RBFOX1: variants seen among roughly 807,000 people sequenced by gnomAD.
RBFOX1 encodes RNA binding protein fox-1 homolog 1.
Under a neutral mutation model 57.7 loss-of-function variants are expected in RBFOX1, and 8 were observed. That is an observed-to-expected ratio of 0.14 (90% CI 0.08 to 0.25). The LOEUF (loss-of-function observed/expected upper bound fraction) is 0.25, where lower values mean the gene tolerates loss of function less well. RBFOX1 is among the 10% of genes least tolerant of loss of function. The pLI, the probability that RBFOX1 is intolerant of heterozygous loss-of-function variation, is 1.00. For missense variants in RBFOX1, 611 were observed against 548.5 expected (o/e 1.11, Z -1.14); for synonymous variants, 326 against 222.4 (o/e 1.47, Z -4.15).
At chr16:7,593,798 G>A (rs1478384535) in intron 7 of RBFOX1, among the ~76,000 whole-genome samples, 1 of 152,054 alleles carries the variant, frequency 6.6e-6, no homozygotes, top group Non-Finnish European at 1.5e-5. Flanking sequence ...TTGGGTATCA[G>A]GGGTGGGGAT....
At chr16:7,433,376 C>G (rs2098697384) in intron 4 of RBFOX1, among the ~76,000 whole-genome samples, 1 of 152,148 alleles carries the variant, frequency 6.6e-6, no homozygotes. Context: ...TTTCTCCTCC[C>G]CACGTCATCA....
intron 3 of RBFOX1, among the ~76,000 whole-genome samples, chr16:6,800,291 C>A (rs1381914841): frequency 6.6e-6 from 1 of 152,172 alleles, no homozygotes; most frequent in Admixed American, 6.5e-5. Context: ...CTGGAAACAC[C>A]TTAGTCCTGG....
rs984679865 is a variant in RBFOX1, at chr16:7,017,100, A to C, written c.-15-34957A>C. Among the ~76,000 whole-genome samples, 4 of 152,238 alleles carry C rather than the reference A, an allele frequency of 2.6e-5. No homozygotes were observed. The South Asian group carries it at 6.2e-4, about 24-fold the overall frequency. Reference sequence around the variant, plus strand: ...GAGCAGAACTCATTTTTCAAAAGACAGATGGTGGCAACCCTGTTCTCTCTA... The same window carrying C: ...GAGCAGAACTCATTTTTCAAAAGACCGATGGTGGCAACCCTGTTCTCTCTA... On this transcript the variant is annotated intron_variant, in intron 3 of 15. Transcript: ENST00000550418.
At chr16:6,119,849 A>G (rs144347202) in intron 1 of RBFOX1, among the ~76,000 whole-genome samples, 331 of 152,232 alleles carry the variant, frequency 2.2e-3, no homozygotes, top group African/African-American at 7.9e-3. Context: ...GCACATTCGT[A>G]ATGTTATGCA....
At chr16:5,316,326 T>C (rs892515973) in intron 1 of RBFOX1, among the ~76,000 whole-genome samples, 2 of 152,220 alleles carry the variant, frequency 1.3e-5, no homozygotes. Context: ...GCACCTTCTA[T>C]AATGTGATGG....
chr16:7,316,167 C>T (rs917873878), intron 4 of RBFOX1, among the ~76,000 whole-genome samples: 2 of 152,194 alleles, frequency 1.3e-5, no homozygotes, highest in African/African-American at 2.4e-5. Context: ...GGATCCTCCA[C>T]TTTGTGTATC....
chr16:6,884,759 G>C (rs1292968418), intron 3 of RBFOX1, among the ~76,000 whole-genome samples: 1 of 152,056 alleles, frequency 6.6e-6, no homozygotes, highest in South Asian at 2.1e-4. Flanking sequence ...TTAGCTAGGT[G>C]TGATGGCACA....
intron 1 of RBFOX1, among the ~76,000 whole-genome samples, chr16:6,046,207 G>T (rs1006917852): frequency 6.6e-6 from 1 of 152,188 alleles, no homozygotes; most frequent in African/African-American, 2.4e-5. Flanking sequence ...AACTCACAGA[G>T]TAACCCAACT....
chr16:6,526,224 C>T (rs574350690), intron 2 of RBFOX1, among the ~76,000 whole-genome samples: 10 of 152,304 alleles, frequency 6.6e-5, no homozygotes, highest in South Asian at 2.1e-4. Flanking sequence ...AGAGGGGGCT[C>T]ACCCCAATGT....
At chr16:6,616,717 G>A (rs2098146452) in intron 2 of RBFOX1, among the ~76,000 whole-genome samples, 1 of 152,186 alleles carries the variant, frequency 6.6e-6, no homozygotes, top group Non-Finnish European at 1.5e-5. Flanking sequence ...TTGCAGGCAT[G>A]AGCCACCATG....
intron 3 of RBFOX1, among the ~76,000 whole-genome samples, chr16:6,731,523 A>C (rs2154174053): frequency 6.6e-6 from 1 of 152,230 alleles, no homozygotes; most frequent in South Asian, 2.1e-4. Context: ...AGTATTTCTC[A>C]GGATTATGGG....
chr16:7,025,895 T>G lies in RBFOX1; in HGVS notation c.-15-26162T>G, dbSNP rs564373242. On this transcript the variant is annotated intron_variant, in intron 3 of 15. Transcript: ENST00000550418. ...GATGAGCTGCTTAATAGTACAGGCCTGGACTTCAGGGATGCCTAGACCCCT... is the reference window on the plus strand; with the variant it reads ...GATGAGCTGCTTAATAGTACAGGCCGGGACTTCAGGGATGCCTAGACCCCT... Among the ~76,000 whole-genome samples the G allele has an allele frequency of 5.4e-4, 82 of 152,164 alleles. 1 individual carries two copies. Among genetic ancestry groups the G allele is most frequent in the African/African-American group, 1.9e-3 (80 of 41,536 alleles).
intron 4 of RBFOX1, among the ~76,000 whole-genome samples, chr16:7,274,866 G>C (rs2095410212): frequency 6.6e-6 from 1 of 151,906 alleles, no homozygotes; most frequent in African/African-American, 2.4e-5. Flanking sequence ...TATATTTTTA[G>C]TAGAGAGTGG....
At chr16:5,412,788 C>T (rs1332479322) in intron 1 of RBFOX1, among the ~76,000 whole-genome samples, 2 of 152,246 alleles carry the variant, frequency 1.3e-5, no homozygotes, top group Non-Finnish European at 2.9e-5. Flanking sequence ...CTAGGGCTGG[C>T]ACCTACACAC....
At chr16:7,255,378 G>C (rs1171439337) in intron 4 of RBFOX1, among the ~76,000 whole-genome samples, 2 of 152,116 alleles carry the variant, frequency 1.3e-5, no homozygotes, top group Non-Finnish European at 2.9e-5. Flanking sequence ...TGACTACTTG[G>C]TAACAATATA....
chr16:5,661,321 A>G (rs2049640971), intron 3 of RBFOX1, among the ~76,000 whole-genome samples: 1 of 152,198 alleles, frequency 6.6e-6, no homozygotes, highest in South Asian at 2.1e-4. Flanking sequence ...CCTCTGCTTT[A>G]CCTACATTTG....
Position 7,119,841 on chromosome 16 carries a change from C to A in RBFOX1, c.27+67743C>A, listed in dbSNP as rs140979470. Among the ~76,000 whole-genome samples, 300 of 152,240 alleles carry A rather than the reference C, an allele frequency of 2.0e-3. 1 individual carries two copies. The highest frequency in any genetic ancestry group is 6.8e-3 in the African/African-American group (283 of 41,554). ...CTGTAGAAGTACTGAACAACACCAT[C>A]AGCCAACAAAACATAGTTAAAATGT... On this transcript the variant is annotated intron_variant, in intron 4 of 15. Coordinates refer to ENST00000550418, the MANE Select transcript of RBFOX1 (RefSeq NM_018723.4).
intron 4 of RBFOX1, among the ~76,000 whole-genome samples, chr16:7,508,380 C>T (rs2074051074): frequency 6.6e-6 from 1 of 152,102 alleles, no homozygotes; most frequent in Non-Finnish European, 1.5e-5. Context: ...TCTCTCTTTC[C>T]AAGGTTGAAG....
intron 2 of RBFOX1, among the ~76,000 whole-genome samples, chr16:6,650,997 G>T (rs981453839): frequency 6.6e-6 from 1 of 152,110 alleles, no homozygotes; most frequent in Admixed American, 6.5e-5. Context: ...CCGCCTTCCC[G>T]GTTCAAGTGA....
Sources: allele counts gnomAD v4.1 joint callset (sites outside exome capture counted in the v4.1 genomes callset), GRCh38; gene constraint gnomAD v4.1.1; transcripts MANE v1.5; gene names NCBI Gene and HGNC (gene_info 2026-07-23, HGNC 2026-07-21).